Variants in CTNNA2 observed in about 807,000 individuals in gnomAD.
The protein encoded by CTNNA2 is catenin alpha 2, also known as catenin alpha-2.
CTNNA2 carries 42 observed loss-of-function variants against 101.0 expected under a neutral mutation model. That is an observed-to-expected ratio of 0.42 (90% CI 0.32 to 0.54). The LOEUF (loss-of-function observed/expected upper bound fraction) is 0.54, where lower values mean the gene tolerates loss of function less well. Among genes scored for constraint, CTNNA2 ranks in the 20% least tolerant of loss-of-function variants. The pLI is 0.14. For missense variants in CTNNA2, 871 were observed against 1,223.1 expected (o/e 0.71, Z 4.29); for synonymous variants, 450 against 456.4 (o/e 0.99, Z 0.18).
rs142738975 is a variant in CTNNA2 at position 80,643,429 on chromosome 2, G to T, written c.2575-4156G>T. On this transcript the variant is annotated intron_variant, in intron 18 of 18. Coordinates refer to ENST00000402739, the MANE Select transcript of CTNNA2 (RefSeq NM_001282597.3). ...AAACGAAACTCAGGGAACTAGTTCAGAAAACAGCACATGGTCTAATTTGTT... is the reference window on the plus strand; with the variant it reads ...AAACGAAACTCAGGGAACTAGTTCATAAAACAGCACATGGTCTAATTTGTT... 9.6e-3 allele frequency among the ~76,000 whole-genome samples: 1,468 copies of T among 152,280 alleles called. 19 individuals carry two copies. Among genetic ancestry groups the T allele is most frequent in the Admixed American group, 0.016 (238 of 15,290 alleles).
chr2:79,571,982 C>T (rs1048128333), intron 1 of CTNNA2, among the ~76,000 whole-genome samples: 2 of 152,154 alleles, frequency 1.3e-5, no homozygotes, highest in African/African-American at 4.8e-5. Flanking sequence ...GTTTTCTGAA[C>T]TCCCAGCGTG....
intron 3 of CTNNA2, among the ~76,000 whole-genome samples, chr2:79,365,808 C>T (rs555725566): frequency 1.3e-3 from 200 of 152,188 alleles, no homozygotes; most frequent in South Asian, 8.5e-3. Flanking sequence ...ACTCTGTCTC[C>T]TGCCAAGAGA....
chr2:79,982,318 A>G, intron 7 of CTNNA2, among the ~76,000 whole-genome samples: 1 of 140,904 alleles, frequency 7.1e-6, no homozygotes, highest in South Asian at 2.1e-4. Context: ...CATATATAAC[A>G]TATATAACAC....
At chr2:79,926,290 T>C (rs1056122229) in intron 7 of CTNNA2, among the ~76,000 whole-genome samples, 2 of 152,182 alleles carry the variant, frequency 1.3e-5, no homozygotes, top group African/African-American at 4.8e-5. Context: ...ACTAGAACTC[T>C]TGGCATGCAT....
chr2:79,814,073 T>TA (rs1340991843), intron 3 of CTNNA2, among the ~76,000 whole-genome samples: 1 of 152,186 alleles, frequency 6.6e-6, no homozygotes. Flanking sequence ...GCCCTCTTCT[T>TA]AAAAGGACAG....
rs186293403 is a variant in CTNNA2, at chr2:79,734,992, G to C, written c.103-9395G>C. On this transcript the variant is annotated intron_variant, in intron 2 of 18. Transcript: ENST00000402739. ...TAAGTGGTATCACAATAAGTCAGTAGAAACACTTTTACCAGTGTCCATTAT... is the reference window on the plus strand; with the variant it reads ...TAAGTGGTATCACAATAAGTCAGTACAAACACTTTTACCAGTGTCCATTAT... 9.5e-4 allele frequency among the ~76,000 whole-genome samples: 145 copies of C among 152,228 alleles called. 2 individuals carry two copies. Among genetic ancestry groups the C allele is most frequent in the Admixed American group, 8.2e-3 (126 of 15,284 alleles).
chr2:79,670,875 T>C (rs902800640), intron 2 of CTNNA2, among the ~76,000 whole-genome samples: 1 of 152,236 alleles, frequency 6.6e-6, no homozygotes, highest in African/African-American at 2.4e-5. Flanking sequence ...CCTTGCTTTG[T>C]AGTTCATGTT....
Position 80,303,889 on chromosome 2 carries a change from T to A in CTNNA2, c.1057-89322T>A. ...CGCTCGGTCAGAAATCTACATCATA[T>A]TTTATTCCGAGGGAGGGGAAGCGGG... On this transcript the variant is annotated intron_variant, in intron 7 of 18. Coordinates refer to ENST00000402739, the MANE Select transcript of CTNNA2 (RefSeq NM_001282597.3). The surrounding 1 kb of genome is among the most constrained non-coding windows in gnomAD (Gnocchi z 7.7). 1 of 1,441,690 alleles carries A rather than the reference T, an allele frequency of 6.9e-7. No individual in the cohort carries two copies. Among genetic ancestry groups the A allele is most frequent in the Admixed American group, 2.6e-5 (1 of 39,018 alleles). The allele number at this position is 1,441,690 out of a possible 1,614,324, so 89.3% of individuals were successfully genotyped here.
At chr2:79,960,376 C>T (rs1311290900) in intron 7 of CTNNA2, among the ~76,000 whole-genome samples, 1 of 152,200 alleles carries the variant, frequency 6.6e-6, no homozygotes, top group African/African-American at 2.4e-5. Context: ...TAGAAGCCCT[C>T]TAATTTTCAT....
chr2:80,545,103 C>T, intron 10 of CTNNA2, 29 bp downstream of exon 10: 1 of 1,607,248 alleles, frequency 6.2e-7, no homozygotes, highest in Non-Finnish European at 8.5e-7. Context: ...GTTTCAAAAG[C>T]CTGTCAGTGA....
At chr2:79,531,263 C>G (rs1281683946) in intron 1 of CTNNA2, among the ~76,000 whole-genome samples, 3 of 137,722 alleles carry the variant, frequency 2.2e-5, no homozygotes, top group Admixed American at 7.8e-5. Context: ...AAATGACTTA[C>G]ATAGGTTTCT....
intron 3 of CTNNA2, among the ~76,000 whole-genome samples, chr2:79,748,073 T>C (rs1424042546): frequency 6.6e-6 from 1 of 152,212 alleles, no homozygotes; most frequent in African/African-American, 2.4e-5. Context: ...CCTCAGTCTC[T>C]TGTTTGAATT....
At chr2:79,465,199 T>C (rs1670920062) in intron 4 of CTNNA2, among the ~76,000 whole-genome samples, 2 of 152,238 alleles carry the variant, frequency 1.3e-5, no homozygotes, top group African/African-American at 2.4e-5. Context: ...GCTTTCTACA[T>C]AGGGTTAGCC....
At chr2:80,451,302 A>C (rs1426308397) in intron 9 of CTNNA2, among the ~76,000 whole-genome samples, 1 of 152,128 alleles carries the variant, frequency 6.6e-6, no homozygotes, top group Admixed American at 6.5e-5. Context: ...GTGAGTTTTC[A>C]TGAGATCTGA....
chr2:80,164,036 T>C (rs1704505616), intron 7 of CTNNA2, among the ~76,000 whole-genome samples: 1 of 151,768 alleles, frequency 6.6e-6, no homozygotes, highest in South Asian at 2.1e-4. Context: ...CTACTTCCTA[T>C]ATTATTATAT....
At chr2:79,349,199 C>G (rs527344066) in intron 3 of CTNNA2, among the ~76,000 whole-genome samples, 1 of 152,138 alleles carries the variant, frequency 6.6e-6, no homozygotes, top group Admixed American at 6.5e-5. Context: ...TAGGGTATTG[C>G]AGCATCAGTA....
At position 80,546,524 on chromosome 2, in the gene CTNNA2, C is replaced by T. The variant is rs1033720993; in HGVS notation, c.1540+461C>T. On this transcript the variant is annotated intron_variant, in intron 11 of 18. Transcript: ENST00000402739. Reference sequence around the variant, plus strand: ...TGATAACACAGGTAGAGATATCAGCCACAGAACTTACCCCTTAGCAGGGAC... The same window carrying T: ...TGATAACACAGGTAGAGATATCAGCTACAGAACTTACCCCTTAGCAGGGAC... 3.5e-4 allele frequency among the ~76,000 whole-genome samples: 54 copies of T among 152,184 alleles called. 1 individual carries two copies. Among genetic ancestry groups the T allele is most frequent in the Non-Finnish European group, 4.4e-5 (3 of 68,034 alleles).
intron 2 of CTNNA2, among the ~76,000 whole-genome samples, chr2:79,654,850 C>T (rs1438702286): frequency 6.6e-6 from 1 of 151,520 alleles, no homozygotes; most frequent in Admixed American, 6.6e-5. Context: ...TGTTGGCCAC[C>T]TACTCAGATT....
At chr2:80,485,158 A>G (rs567370082) in intron 9 of CTNNA2, among the ~76,000 whole-genome samples, 1 of 152,308 alleles carries the variant, frequency 6.6e-6, no homozygotes, top group South Asian at 2.1e-4. Flanking sequence ...AAGAATGTGT[A>G]TATAAATTCT....
Sources: gnomAD v4.1 joint callset for allele counts (sites outside exome capture counted in the v4.1 genomes callset) on GRCh38, gnomAD v4.1.1 for gene constraint, Gnocchi (gnomAD v3.1) non-coding constraint, MANE v1.5 for transcripts, NCBI Gene and HGNC (gene_info 2026-07-23, HGNC 2026-07-21) for gene names.